The following LAMC3 variants were observed in gnomAD, a reference collection of about 807,000 sequenced individuals.
LAMC3 encodes the protein laminin subunit gamma-3.
A neutral mutation model predicts 173.8 loss-of-function variants in LAMC3; 128 were observed. The observed-to-expected ratio is 0.74, with a 90% CI of 0.64 to 0.85. LAMC3 has a LOEUF of 0.85. LAMC3 is among the 40% of genes least tolerant of loss of function. LAMC3 has a pLI of 0.00. For synonymous variants in LAMC3, 897 were observed against 909.1 expected, an observed-to-expected ratio of 0.99 and a Z score of 0.24; for missense variants, 2,022 against 2,156.0, an observed-to-expected ratio of 0.94 and a Z score of 1.23.
intron 1 of LAMC3, among the ~76,000 whole-genome samples, chr9:131,025,659 G>A (rs558547070): frequency 9.5e-4 from 144 of 152,284 alleles, no homozygotes; most frequent in African/African-American, 3.3e-3. Flanking sequence ...GCCACCAGGG[G>A]CTGTGGGTGA....
At chr9:131,066,594 G>A (rs140107585) in intron 13 of LAMC3, among the ~76,000 whole-genome samples, 4 of 152,178 alleles carry the variant, frequency 2.6e-5, no homozygotes, top group Non-Finnish European at 4.4e-5. Context: ...TAATGGTGAC[G>A]ATGATGATGA....
chr9:131,058,215 A>G (rs1829733041), intron 12 of LAMC3, among the ~76,000 whole-genome samples: 1 of 152,136 alleles, frequency 6.6e-6, no homozygotes, highest in Non-Finnish European at 1.5e-5. Flanking sequence ...TGCTGGGTTC[A>G]AGAGATCCTC....
chr9:131,040,860 C>A (rs1834038424), intron 6 of LAMC3, among the ~76,000 whole-genome samples: 2 of 152,216 alleles, frequency 1.3e-5, no homozygotes, highest in Admixed American at 1.3e-4. Context: ...ACATCTCCCA[C>A]AACACGTATC....
At chr9:131,036,519 C>T (rs1307523997) in intron 4 of LAMC3, among the ~76,000 whole-genome samples, 187 bp downstream of exon 4, 1 of 152,080 alleles carries the variant, frequency 6.6e-6, no homozygotes, top group African/African-American at 2.4e-5. Context: ...TGCATTTAAG[C>T]CTCAGTCTCT....
chr9:131,023,915 T>C (rs1261052746), intron 1 of LAMC3, among the ~76,000 whole-genome samples: 1 of 152,246 alleles, frequency 6.6e-6, no homozygotes, highest in Non-Finnish European at 1.5e-5. Flanking sequence ...ATATTCTGGA[T>C]AAGTCTCTTA....
At chr9:131,062,188 C>T (rs1270452616) in intron 13 of LAMC3, among the ~76,000 whole-genome samples, 3 of 151,944 alleles carry the variant, frequency 2.0e-5, no homozygotes, top group East Asian at 1.9e-4. Flanking sequence ...CGGTGAAACC[C>T]GTCTCTACTA....
At chr9:131,069,321 C>T (rs981874710) in intron 16 of LAMC3, among the ~76,000 whole-genome samples, 1 of 152,144 alleles carries the variant, frequency 6.6e-6, no homozygotes, top group Admixed American at 6.5e-5. Flanking sequence ...GTCCTCATGC[C>T]GGCCAGGAAT....
intron 24 of LAMC3, among the ~76,000 whole-genome samples, chr9:131,083,816 C>T (rs1428823995): frequency 7.1e-6 from 1 of 140,538 alleles, no homozygotes; most frequent in African/African-American, 2.7e-5. Flanking sequence ...GATTAGAAGG[C>T]TTTATTCATT....
intron 3 of LAMC3, among the ~76,000 whole-genome samples, chr9:131,032,549 T>TCTCTCTCGCTCTCTCTCTTG (rs1257398566): frequency 7.9e-6 from 1 of 126,034 alleles, no homozygotes; most frequent in Non-Finnish European, 1.5e-5. Context: ...TCTCTCTTGC[T>TCTCTCTCGCTCTCTCTCTTG]CTCTCTCGCT....
At chr9:131,066,448 A>T (rs1176952036) in intron 13 of LAMC3, among the ~76,000 whole-genome samples, 1 of 151,674 alleles carries the variant, frequency 6.6e-6, no homozygotes, top group Admixed American at 6.6e-5. Flanking sequence ...CCGAGATCGT[A>T]CCACACTACA....
chr9:131,085,407 A>G, intron 24 of LAMC3, 117 bp from the exon 25 acceptor site: 1 of 991,162 alleles, frequency 1.0e-6, no homozygotes, highest in Non-Finnish European at 1.6e-6. Flanking sequence ...TGCACTTCAG[A>G]CCTCCACTCG....
At chr9:131,050,724 C>T (rs1446187181) in intron 9 of LAMC3, among the ~76,000 whole-genome samples, 1 of 151,500 alleles carries the variant, frequency 6.6e-6, no homozygotes, top group African/African-American at 2.4e-5. Context: ...GCCAGGATTG[C>T]ACCACTACAC....
intron 7 of LAMC3, among the ~76,000 whole-genome samples, chr9:131,042,653 C>T (rs755906155): frequency 1.1e-4 from 17 of 152,040 alleles, no homozygotes; most frequent in Non-Finnish European, 2.5e-4. Context: ...TCAACCCTTG[C>T]CTTTCACAGC....
intron 27 of LAMC3, among the ~76,000 whole-genome samples, chr9:131,089,631 T>C (rs1256437027): frequency 6.6e-6 from 1 of 151,468 alleles, no homozygotes; most frequent in Non-Finnish European, 1.5e-5. Flanking sequence ...CAAGTGATCC[T>C]CCTGCCTTGG....
intron 25 of LAMC3, among the ~76,000 whole-genome samples, chr9:131,086,959 A>C (rs1371242802): frequency 6.6e-6 from 1 of 152,042 alleles, no homozygotes; most frequent in Admixed American, 6.5e-5. Flanking sequence ...CTCTGGTCTC[A>C]AGCAAGCCTC....
chr9:131,020,568 A>C (rs574412915), intron 1 of LAMC3, among the ~76,000 whole-genome samples: 7 of 152,236 alleles, frequency 4.6e-5, no homozygotes, highest in African/African-American at 1.7e-4. Flanking sequence ...TGTGTTAAGA[A>C]GGATTCTGAG....
At chr9:131,075,754 A>G in intron 20 of LAMC3, 77 bp from the exon 21 acceptor site, 2 of 1,495,632 alleles carry the variant, frequency 1.3e-6, no homozygotes, top group Non-Finnish European at 1.8e-6. Flanking sequence ...AGGCCTGTGT[A>G]GTAGGGGGCG....
chr9:131,034,506 G>T (rs1210773113), intron 3 of LAMC3, among the ~76,000 whole-genome samples: 1 of 152,272 alleles, frequency 6.6e-6, no homozygotes, highest in African/African-American at 2.4e-5. Flanking sequence ...TGGCTTAAGG[G>T]AGCCACTGAG....
At chr9:131,044,379 G>A (rs969199326) in intron 7 of LAMC3, among the ~76,000 whole-genome samples, 2 of 152,022 alleles carry the variant, frequency 1.3e-5, no homozygotes, top group South Asian at 2.1e-4. Flanking sequence ...GCATGGTGGC[G>A]CACACCTGTA....
Sources: allele counts gnomAD v4.1 joint callset (sites outside exome capture counted in the v4.1 genomes callset), GRCh38; gene constraint gnomAD v4.1.1; transcripts MANE v1.5; gene names NCBI Gene and HGNC (gene_info 2026-07-23, HGNC 2026-07-21).